Variants in ACTR3C observed in about 807,000 individuals in gnomAD.
The protein encoded by ACTR3C is actin related protein 3C.
A neutral mutation model predicts 26.3 loss-of-function variants in ACTR3C; 18 were observed. The ratio of observed to expected loss-of-function variants is 0.68; its 90% CI spans 0.47 to 1.01. ACTR3C has a LOEUF of 1.01. ACTR3C is among the 50% of genes least tolerant of loss of function. ACTR3C has a pLI of 0.00. For missense variants in ACTR3C, 184 were observed against 250.7 expected, an observed-to-expected ratio of 0.73 and a Z score of 1.80; for synonymous variants, 55 against 94.5, an observed-to-expected ratio of 0.58 and a Z score of 2.42.
At chr7:150,146,612 C>T in the ACTR3C span, among the ~76,000 whole-genome samples, 2 of 152,144 alleles carry the variant, frequency 1.3e-5, no homozygotes, top group Non-Finnish European at 2.9e-5. Context: ...TATGTGACTA[C>T]GTTCTAGCTA....
the ACTR3C span, among the ~76,000 whole-genome samples, chr7:150,229,651 AT>A: frequency 0.13 from 17,872 of 133,922 alleles, 1,115 homozygotes; most frequent in East Asian, 0.23. Flanking sequence ...CACACAGCTA[AT>A]TTTTTTTTTT....
the ACTR3C span, among the ~76,000 whole-genome samples, chr7:149,987,194 G>A: frequency 2.0e-5 from 3 of 150,422 alleles, no homozygotes; most frequent in African/African-American, 2.5e-5. Context: ...CCTACCAGAG[G>A]AAAAAAAAAT....
the ACTR3C span, among the ~76,000 whole-genome samples, chr7:150,180,576 G>C: frequency 1.2e-4 from 17 of 144,636 alleles, 1 homozygote; most frequent in Admixed American, 3.4e-4. Flanking sequence ...GCAGTGGCGC[G>C]GTCTCGGCTC....
At chr7:150,186,515 C>T in the ACTR3C span, among the ~76,000 whole-genome samples, 3 of 152,106 alleles carry the variant, frequency 2.0e-5, no homozygotes, top group Non-Finnish European at 2.9e-5. Flanking sequence ...ATAAAAAACA[C>T]GTTCTGGCCA....
intron 1 of ACTR3C, among the ~76,000 whole-genome samples, chr7:150,320,774 CA>C (rs1246087535): frequency 6.6e-6 from 1 of 152,030 alleles, no homozygotes; most frequent in East Asian, 1.9e-4. Flanking sequence ...AAAACAAAAA[CA>C]AAAACAAGAA....
At chr7:150,127,645 A>G in the ACTR3C span, among the ~76,000 whole-genome samples, 1 of 152,350 alleles carries the variant, frequency 6.6e-6, no homozygotes, top group Admixed American at 6.5e-5. Flanking sequence ...AGAAAGCAGA[A>G]AAACATATCC....
At chr7:150,112,311 G>T in the ACTR3C span, among the ~76,000 whole-genome samples, 1 of 152,178 alleles carries the variant, frequency 6.6e-6, no homozygotes, top group Non-Finnish European at 1.5e-5. Context: ...AAACAAATGT[G>T]CAAGCCTCCA....
At chr7:150,295,042 C>T (rs116288455) in intron 2 of ACTR3C, among the ~76,000 whole-genome samples, 3,079 of 151,958 alleles carry the variant, frequency 0.02, 105 homozygotes, top group African/African-American at 0.071. Flanking sequence ...AAGAGCCAGA[C>T]GACGTCTATA....
chr7:150,176,473 G>T, the ACTR3C span, among the ~76,000 whole-genome samples: 1 of 150,890 alleles, frequency 6.6e-6, no homozygotes, highest in Non-Finnish European at 1.5e-5. Context: ...ACTATCAGGA[G>T]AAATAAGTCA....
the ACTR3C span, among the ~76,000 whole-genome samples, chr7:150,184,319 C>T: frequency 6.6e-6 from 1 of 150,816 alleles, no homozygotes; most frequent in African/African-American, 2.5e-5. Flanking sequence ...TACCTCAGAG[C>T]CAGGCAGCAG....
intron 6 of ACTR3C, among the ~76,000 whole-genome samples, chr7:150,279,849 A>T (rs1478412998): frequency 6.6e-6 from 1 of 152,194 alleles, no homozygotes; most frequent in South Asian, 2.1e-4. Context: ...AGTGGTTCCC[A>T]TTAGAGTTAT....
At chr7:150,171,844 A>G in the ACTR3C span, among the ~76,000 whole-genome samples, 2 of 149,998 alleles carry the variant, frequency 1.3e-5, no homozygotes, top group South Asian at 4.1e-4. Context: ...AGATAGTCTC[A>G]CTCTGTTGCC....
At chr7:149,966,925 G>C in the ACTR3C span, among the ~76,000 whole-genome samples, 2 of 150,906 alleles carry the variant, frequency 1.3e-5, no homozygotes, top group Non-Finnish European at 2.9e-5. Flanking sequence ...GCAATGGCGT[G>C]ATCTCGGCTC....
At chr7:150,048,550 C>G in the ACTR3C span, among the ~76,000 whole-genome samples, 1 of 152,094 alleles carries the variant, frequency 6.6e-6, no homozygotes, top group Non-Finnish European at 1.5e-5. Flanking sequence ...CTGCGCGTGC[C>G]CCGCAGCACG....
At chr7:150,072,155 G>C in the ACTR3C span, among the ~76,000 whole-genome samples, 1 of 134,896 alleles carries the variant, frequency 7.4e-6, no homozygotes, top group African/African-American at 2.7e-5. Flanking sequence ...GCACATCGAT[G>C]ACAGTCCCAG....
intron 6 of ACTR3C, among the ~76,000 whole-genome samples, chr7:150,276,614 T>C (rs1263641045): frequency 2.0e-5 from 3 of 152,236 alleles, no homozygotes; most frequent in Non-Finnish European, 4.4e-5. Context: ...AACAGCCGCC[T>C]GATGGGAAGA....
chr7:150,263,280 T>A (rs1454177331), intron 6 of ACTR3C, among the ~76,000 whole-genome samples: 2 of 152,218 alleles, frequency 1.3e-5, no homozygotes, highest in African/African-American at 4.8e-5. Context: ...TAATAAAGAC[T>A]GTTCTCTTAT....
chr7:150,117,049 GC>G, the ACTR3C span, among the ~76,000 whole-genome samples: 5 of 152,296 alleles, frequency 3.3e-5, no homozygotes, highest in Admixed American at 6.5e-5. Flanking sequence ...ATGCTATCCA[GC>G]CCAATACTAG....
chr7:150,154,672 G>A, the ACTR3C span, among the ~76,000 whole-genome samples: 2 of 151,900 alleles, frequency 1.3e-5, no homozygotes, highest in South Asian at 4.2e-4. Context: ...TTTTTGAGGG[G>A]GCTTTTCCTA....
Sources: gnomAD v4.1 joint callset for allele counts (sites outside exome capture counted in the v4.1 genomes callset) on GRCh38, gnomAD v4.1.1 for gene constraint, MANE v1.5 for transcripts, NCBI Gene and HGNC (gene_info 2026-07-23, HGNC 2026-07-21) for gene names.